QTMAN: variants seen among roughly 807,000 people sequenced by gnomAD.
QTMAN encodes the protein tRNA-queuosine alpha-mannosyltransferase.
the QTMAN span, among the ~76,000 whole-genome samples, chr2:144,280,647 A>G: frequency 1.3e-5 from 2 of 152,316 alleles, no homozygotes; most frequent in Non-Finnish European, 2.9e-5. Flanking sequence ...ATAACTCTAC[A>G]AACTGGAAAA....
chr2:144,129,934 G>C, the QTMAN span, among the ~76,000 whole-genome samples: 1 of 151,696 alleles, frequency 6.6e-6, no homozygotes, highest in East Asian at 1.9e-4. Flanking sequence ...AATATAGTAA[G>C]AACAAAACAA....
chr2:143,989,805 G>T, the QTMAN span, among the ~76,000 whole-genome samples: 1 of 152,104 alleles, frequency 6.6e-6, no homozygotes, highest in Admixed American at 6.5e-5. Flanking sequence ...TTCATAATCA[G>T]TAAAAGTTCA....
chr2:144,110,536 G>A, the QTMAN span, among the ~76,000 whole-genome samples: 1 of 151,582 alleles, frequency 6.6e-6, no homozygotes, highest in African/African-American at 2.4e-5. Flanking sequence ...AACTTAAAGT[G>A]TTATAAAAAA....
chr2:143,971,040 G>A, the QTMAN span, among the ~76,000 whole-genome samples: 57 of 151,668 alleles, frequency 3.8e-4, 1 homozygote, highest in African/African-American at 1.3e-3. Context: ...TCTTAAGGCT[G>A]GACTACAGAA....
the QTMAN span, among the ~76,000 whole-genome samples, chr2:144,234,105 T>A: frequency 6.6e-6 from 1 of 152,104 alleles, no homozygotes; most frequent in South Asian, 2.1e-4. Context: ...AATAATCTGA[T>A]GAAAAGATTA....
chr2:143,957,805 G>C, the QTMAN span, among the ~76,000 whole-genome samples: 1 of 152,122 alleles, frequency 6.6e-6, no homozygotes, highest in Admixed American at 6.6e-5. Context: ...TCTTTGGAAA[G>C]TAATGATCCA....
At chr2:143,947,138 G>A in the QTMAN span, 2 of 1,604,568 alleles carry the variant, frequency 1.2e-6, no homozygotes, top group Non-Finnish European at 1.7e-6. Context: ...ATTTCACCCT[G>A]CAACGAGGAG....
chr2:144,083,046 T>C, the QTMAN span, among the ~76,000 whole-genome samples: 1 of 152,082 alleles, frequency 6.6e-6, no homozygotes, highest in Non-Finnish European at 1.5e-5. Flanking sequence ...GGCAGTTGCC[T>C]TACAAAGTAA....
the QTMAN span, among the ~76,000 whole-genome samples, chr2:144,084,469 T>C: frequency 3.7e-4 from 56 of 152,342 alleles, no homozygotes; most frequent in Admixed American, 1.3e-3. Context: ...TTATGCATTA[T>C]TTTATAAAAA....
chr2:144,266,188 A>G, the QTMAN span, among the ~76,000 whole-genome samples: 1 of 152,224 alleles, frequency 6.6e-6, no homozygotes, highest in African/African-American at 2.4e-5. Context: ...AAAATGATGG[A>G]AAGGAAACTT....
At chr2:144,058,107 AAG>A in the QTMAN span, among the ~76,000 whole-genome samples, 1 of 141,372 alleles carries the variant, frequency 7.1e-6, no homozygotes, top group African/African-American at 2.9e-5. Flanking sequence ...AAAAGAAAGA[AAG>A]AACCCCCCTC....
the QTMAN span, among the ~76,000 whole-genome samples, chr2:144,317,918 T>A: frequency 6.6e-6 from 1 of 151,790 alleles, no homozygotes; most frequent in Admixed American, 6.6e-5. Flanking sequence ...AATTTTAATA[T>A]AGACAGGTAA....
At chr2:144,320,283 G>A in the QTMAN span, among the ~76,000 whole-genome samples, 1 of 152,100 alleles carries the variant, frequency 6.6e-6, no homozygotes, top group African/African-American at 2.4e-5. Context: ...GTTACTGCCT[G>A]GTCCTTCCAA....
the QTMAN span, among the ~76,000 whole-genome samples, chr2:144,165,011 TAA>T: frequency 2.0e-5 from 3 of 152,156 alleles, no homozygotes; most frequent in Non-Finnish European, 4.4e-5. Flanking sequence ...CATGATGTTT[TAA>T]AAAGACTTTG....
chr2:144,111,794 C>T, the QTMAN span, among the ~76,000 whole-genome samples: 1,955 of 152,222 alleles, frequency 0.013, 45 homozygotes, highest in African/African-American at 0.044. Context: ...ACAGAGGAAC[C>T]GCTCTTATAT....
chr2:143,971,873 C>T, the QTMAN span, among the ~76,000 whole-genome samples: 1 of 151,956 alleles, frequency 6.6e-6, no homozygotes, highest in East Asian at 1.9e-4. Flanking sequence ...ACATCTGCAA[C>T]CCTAAATGTG....
chr2:144,116,216 A>C, the QTMAN span, among the ~76,000 whole-genome samples: 1 of 149,946 alleles, frequency 6.7e-6, no homozygotes, highest in Non-Finnish European at 1.5e-5. Flanking sequence ...CTTATATATT[A>C]GTCAACCTTA....
At chr2:144,012,816 G>C in the QTMAN span, among the ~76,000 whole-genome samples, 1 of 152,142 alleles carries the variant, frequency 6.6e-6, no homozygotes, top group Non-Finnish European at 1.5e-5. Flanking sequence ...GAAAGAGAGA[G>C]CGTGTATAAC....
At chr2:144,275,930 CAG>C in the QTMAN span, among the ~76,000 whole-genome samples, 6 of 152,168 alleles carry the variant, frequency 3.9e-5, no homozygotes, top group Non-Finnish European at 7.3e-5. Flanking sequence ...CTAACTATAA[CAG>C]GGATTCTCAT....
Sources: allele counts gnomAD v4.1 joint callset (sites outside exome capture counted in the v4.1 genomes callset), GRCh38; gene constraint gnomAD v4.1.1; transcripts MANE v1.5; gene names NCBI Gene and HGNC (gene_info 2026-07-23, HGNC 2026-07-21).